Variants in TBC1D8 observed in about 807,000 individuals in gnomAD.
TBC1D8 encodes the protein TBC1 domain family member 8, also known as BUB2-like protein 1.
TBC1D8 carries 65 observed loss-of-function variants against 118.8 expected under a neutral mutation model. The ratio of observed to expected loss-of-function variants is 0.55; its 90% CI spans 0.45 to 0.67. The LOEUF is 0.67. Ranked by LOEUF, TBC1D8 falls within the 30% of genes least tolerant of loss-of-function variation. The pLI, the probability that TBC1D8 is intolerant of heterozygous loss-of-function variation, is 0.00. For synonymous variants in TBC1D8, 566 were observed against 595.8 expected (o/e 0.95, Z 0.73); for missense variants, 1,376 against 1,471.2 (o/e 0.94, Z 1.06).
intron 1 of TBC1D8, among the ~76,000 whole-genome samples, chr2:101,128,005 ATTC>A (rs1358190098): frequency 6.6e-6 from 1 of 152,180 alleles, no homozygotes; most frequent in Admixed American, 6.5e-5. Flanking sequence ...TACTCATAAC[ATTC>A]TTATTAGTTA....
At chr2:101,038,365 C>T in intron 7 of TBC1D8, 96 bp downstream of exon 7, 2 of 1,370,118 alleles carry the variant, frequency 1.5e-6, no homozygotes, top group South Asian at 1.3e-5. Flanking sequence ...CCGCATTCTT[C>T]TCATCCCCAC....
At position 101,151,271 on chromosome 2, in the gene TBC1D8, GC is replaced by G; in HGVS notation, c.-19del. On this transcript the variant is annotated 5_prime_UTR_variant, in exon 1 of 20. Coordinates refer to ENST00000409318, the MANE Select transcript of TBC1D8 (RefSeq NM_001330348.2). ...AGCCACATCGCGGCGGTCCGGCCGC[GC>G]CCGCCGGCCCCAGCTCACATCTCCC... 8.8e-7 allele frequency: 1 copy of G among 1,133,098 alleles called. No individual in the cohort carries two copies. The highest frequency in any genetic ancestry group is 1.1e-6 in the Non-Finnish European group (1 of 911,648). The allele number at this position is 1,133,098 out of a possible 1,614,324, so 70.2% of individuals were successfully genotyped here. A position where few individuals can be genotyped will look rare whatever the true frequency, so the allele number is the denominator to read the frequency against.
intron 2 of TBC1D8, among the ~76,000 whole-genome samples, chr2:101,087,456 TA>T (rs997981371): frequency 4.1e-5 from 6 of 144,808 alleles, no homozygotes; most frequent in South Asian, 2.2e-4. Flanking sequence ...GACCAATAGG[TA>T]AAAAAAAAAC....
chr2:101,018,005 T>C, intron 17 of TBC1D8: 1 of 1,410,902 alleles, frequency 7.1e-7, no homozygotes, highest in South Asian at 1.3e-5. Flanking sequence ...GCAATTCTAC[T>C]TCAAGCATGT....
Position 101,008,061 on chromosome 2 carries a change from T to C in TBC1D8, c.3228A>G (p.Ala1076=). 7 of 1,613,942 alleles carry C rather than the reference T, an allele frequency of 4.3e-6. No homozygotes were observed. The highest frequency in any genetic ancestry group is 2.2e-5 in the South Asian group (2 of 91,066). The stretch of plus-strand genomic sequence containing the variant: ...AGTCCTGGGGCGTCTTCCCAGTGTC[T>C]GCAAAAACCGAGTCCTCAGGAGAAG... ...SAPSPEDSVF[A]DTGKTPQDSQ... The change falls in exon 20 of 20, where the codon GCA becomes GCG. Residue 1076 remains alanine (A), a synonymous_variant. Coordinates refer to ENST00000409318, the MANE Select transcript of TBC1D8 (RefSeq NM_001330348.2).
At chr2:101,029,227 A>G (rs951586822) in intron 12 of TBC1D8, among the ~76,000 whole-genome samples, 13 of 152,160 alleles carry the variant, frequency 8.5e-5, no homozygotes, top group Admixed American at 5.9e-4. Flanking sequence ...TGTCTCTACT[A>G]AAAATACAAA....
chr2:101,046,459 G>A (rs144969360), intron 5 of TBC1D8, among the ~76,000 whole-genome samples: 10 of 152,310 alleles, frequency 6.6e-5, no homozygotes, highest in East Asian at 3.9e-4. Flanking sequence ...GACAATCACC[G>A]AGCAGCTTGG....
intron 10 of TBC1D8, chr2:101,033,037 G>A (rs1680765449): frequency 4.3e-6 from 1 of 230,416 alleles, no homozygotes; most frequent in Non-Finnish European, 8.8e-6. Flanking sequence ...CTACGTCTGA[G>A]CTCAAGAGGG....
chr2:101,029,446 GCCT>G, intron 12 of TBC1D8, 42 bp downstream of exon 12: 1 of 1,584,872 alleles, frequency 6.3e-7, no homozygotes. Flanking sequence ...ACGTGCTGCT[GCCT>G]CCTCCATCTC....
At chr2:101,035,837 C>T (rs1680971173) in intron 9 of TBC1D8, among the ~76,000 whole-genome samples, 181 bp downstream of exon 9, 1 of 152,226 alleles carries the variant, frequency 6.6e-6, no homozygotes, top group Non-Finnish European at 1.5e-5. Context: ...CCCAGGCAGC[C>T]TGACCCAGGT....
intron 17 of TBC1D8, among the ~76,000 whole-genome samples, chr2:101,016,563 C>T (rs1336182054): frequency 1.3e-5 from 2 of 152,108 alleles, no homozygotes; most frequent in Non-Finnish European, 2.9e-5. Flanking sequence ...ACCCAGCCAT[C>T]CCATTACTGG....
intron 2 of TBC1D8, among the ~76,000 whole-genome samples, chr2:101,062,881 C>A (rs1235570670): frequency 6.6e-6 from 1 of 152,162 alleles, no homozygotes; most frequent in Non-Finnish European, 1.5e-5. Context: ...ACCTCGTGAT[C>A]CGCCCGCCTT....
chr2:101,070,796 T>C (rs1476032745), intron 2 of TBC1D8, among the ~76,000 whole-genome samples: 1 of 152,216 alleles, frequency 6.6e-6, no homozygotes, highest in Non-Finnish European at 1.5e-5. Flanking sequence ...ACTTGAGAAT[T>C]ACATTTCTGC....
intron 15 of TBC1D8, chr2:101,023,678 C>G: frequency 2.4e-6 from 1 of 413,046 alleles, no homozygotes; most frequent in South Asian, 1.8e-5. Flanking sequence ...ACTAACAAAA[C>G]CGGCCCCATC....
chr2:101,011,285 C>T (rs1034131198), intron 18 of TBC1D8, 166 bp downstream of exon 18: 62 of 755,258 alleles, frequency 8.2e-5, no homozygotes, highest in Non-Finnish European at 1.2e-4. Flanking sequence ...CAGCAACACC[C>T]CCACTAGGAG....
rs936758786 is a variant in TBC1D8, at chr2:101,022,173, CAA to C, written c.2761+106_2761+107del. ...TCATAAGTTCATGTCAGGCCAGTCA[CAA>C]AAGTGTTACACCATGTGCATCTGCC... On this transcript the variant is annotated intron_variant, in intron 16 of 19. Coordinates refer to ENST00000409318, the MANE Select transcript of TBC1D8 (RefSeq NM_001330348.2). 4.4e-5 allele frequency: 67 copies of C among 1,534,082 alleles called. No individual in the cohort carries two copies. The Admixed American group carries it at 6.0e-4, about 14-fold the overall frequency.
intron 10 of TBC1D8, 85 bp downstream of exon 10, chr2:101,033,459 A>C: frequency 6.6e-7 from 1 of 1,517,690 alleles, no homozygotes; most frequent in Non-Finnish European, 9.1e-7. Flanking sequence ...GGACCAGATG[A>C]CTGGGAATGC....
At chr2:101,046,221 C>G (rs1337731592) in intron 5 of TBC1D8, among the ~76,000 whole-genome samples, 15 of 152,240 alleles carry the variant, frequency 9.9e-5, no homozygotes. Context: ...CTAGGACACA[C>G]TGCAGCCCAC....
At position 101,044,353 on chromosome 2, in the gene TBC1D8, C is replaced by T. The variant is rs112463045; in HGVS notation, c.873-3968G>A. Among the ~76,000 whole-genome samples the T allele has an allele frequency of 5.3e-3, 810 of 152,302 alleles. 4 individuals carry two copies. Among genetic ancestry groups the T allele is most frequent in the Non-Finnish European group, 8.8e-3 (596 of 68,026 alleles). ...TGACTTTGAAAAAATGAGAAATCCTCGAGAAATCAGCTCTTTATGAAGTTT... is the reference window on the plus strand; with the variant it reads ...TGACTTTGAAAAAATGAGAAATCCTTGAGAAATCAGCTCTTTATGAAGTTT... On this transcript the variant is annotated intron_variant, in intron 5 of 19. Coordinates refer to ENST00000409318, the MANE Select transcript of TBC1D8 (RefSeq NM_001330348.2).
Sources: gnomAD v4.1 joint callset for allele counts (sites outside exome capture counted in the v4.1 genomes callset) on GRCh38, gnomAD v4.1.1 for gene constraint, MANE v1.5 for transcripts, NCBI Gene and HGNC (gene_info 2026-07-23, HGNC 2026-07-21) for gene names.